Variants in PASD1 observed in about 807,000 individuals in gnomAD.
The protein encoded by PASD1 is PAS domain containing repressor 1.
In PASD1, 13 loss-of-function variants were observed where a neutral mutation model predicts 58.8. That is an observed-to-expected ratio of 0.22 (90% CI 0.14 to 0.35). The LOEUF (loss-of-function observed/expected upper bound fraction) is 0.35. Ranked by LOEUF, PASD1 falls within the 10% of genes least tolerant of loss-of-function variation. The pLI is 1.00. For synonymous variants in PASD1, 236 were observed against 216.7 expected (o/e 1.09, Z -0.78); for missense variants, 734 against 568.3 (o/e 1.29, Z -2.96).
intron 8 of PASD1, chrX:151,645,915 T>TTTTGTTTTG (rs2014055509): frequency 9.0e-6 from 1 of 110,827 alleles, no homozygotes; most frequent in Non-Finnish European, 1.9e-5. Flanking sequence ...TTTTGTTTTG[T>TTTTGTTTTG]TTTGTTTTGT....
chrX:151,604,583 A>G (rs1209340564), intron 2 of PASD1, 63 bp from the exon 3 acceptor site: 1 of 803,691 alleles, frequency 1.2e-6, no homozygotes. Context: ...TGAAAAATCT[A>G]ATACCCATAG....
chrX:151,593,264 A>G (rs756139006), intron 1 of PASD1, among the ~76,000 whole-genome samples: 1 of 109,990 alleles, frequency 9.1e-6, no homozygotes, highest in South Asian at 3.9e-4. Flanking sequence ...TTATTATTAT[A>G]CTCTAAGTTC....
chrX:151,574,848 G>A (rs1005351272), intron 1 of PASD1, among the ~76,000 whole-genome samples: 1 of 111,604 alleles, frequency 9.0e-6, no homozygotes, highest in Non-Finnish European at 1.9e-5. Flanking sequence ...ACGAGGTCTC[G>A]TTGTGTTGCC....
In PASD1 at chrX:151,633,214, C is replaced by T. The variant is rs187148118; in HGVS notation, c.629+7684C>T. 3.0e-3 allele frequency among the ~76,000 whole-genome samples: 334 copies of T among 111,464 alleles called. 3 individuals are homozygous for T. Among genetic ancestry groups the T allele is most frequent in the Non-Finnish European group, 5.4e-3 (285 of 53,049 alleles). ...AACCGAGTCATTCCATGAAGAGCAT[C>T]CATGTCTCCTTGCAGGGTGAAGTGG... On this transcript the variant is annotated intron_variant, in intron 8 of 15. Transcript: ENST00000370357.
chrX:151,667,700 G>A (rs1168951543), intron 11 of PASD1, among the ~76,000 whole-genome samples: 1 of 111,433 alleles, frequency 9.0e-6, no homozygotes, highest in Non-Finnish European at 1.9e-5. Flanking sequence ...TAGATATGTG[G>A]CATTATTTCT....
chrX:151,581,227 CAAAAAAAAAAA>C (rs55664238), intron 1 of PASD1, among the ~76,000 whole-genome samples: 1 of 31,505 alleles, frequency 3.2e-5, no homozygotes, highest in Non-Finnish European at 5.5e-5. Flanking sequence ...AGCTCTGTAT[CAAAAAAAAAAA>C]AAAAAAAAAA....
At chrX:151,588,976 A>G (rs978408364) in intron 1 of PASD1, among the ~76,000 whole-genome samples, 3 of 110,839 alleles carry the variant, frequency 2.7e-5, no homozygotes, top group East Asian at 2.8e-4. Flanking sequence ...CTTTCCCCAC[A>G]TCCCTGCCCC....
At chrX:151,589,944 C>A (rs2013222636) in intron 1 of PASD1, among the ~76,000 whole-genome samples, 1 of 112,393 alleles carries the variant, frequency 8.9e-6, no homozygotes, top group Non-Finnish European at 1.9e-5. Context: ...ATAGCACATA[C>A]AATCCTGTAA....
rs149431814 is a variant in PASD1, at chrX:151,670,024, G to A, written c.1072-1014G>A. 1.5e-3 allele frequency among the ~76,000 whole-genome samples: 172 copies of A among 111,889 alleles called. 1 individual carries two copies. Among genetic ancestry groups the A allele is most frequent in the African/African-American group, 5.2e-3 (160 of 30,834 alleles). Reference sequence around the variant, plus strand: ...ACATTCTTACCAACAGTGTATGAGCGTTCTTCTTTTTCCACATCCTCACCA... The same window carrying A: ...ACATTCTTACCAACAGTGTATGAGCATTCTTCTTTTTCCACATCCTCACCA... On this transcript the variant is annotated intron_variant, in intron 11 of 15. Transcript: ENST00000370357.
In PASD1 at chrX:151,631,598, A is replaced by G. The variant is rs914602200; in HGVS notation, c.629+6068A>G. 4.5e-5 allele frequency among the ~76,000 whole-genome samples: 5 copies of G among 111,884 alleles called. No homozygotes were observed. In the Admixed American group the frequency reaches 4.7e-4, roughly 11 times the overall value. On this transcript the variant is annotated intron_variant, in intron 8 of 15. Coordinates refer to ENST00000370357, the MANE Select transcript of PASD1 (RefSeq NM_173493.3). ...TGATGAGTATTTCCCAGGTTCTAGT[A>G]GCTGTTACCTGTGCTTGCAAAGTCC...
chrX:151,639,036 G>T (rs1240858644), intron 8 of PASD1, among the ~76,000 whole-genome samples: 1 of 111,961 alleles, frequency 8.9e-6, no homozygotes, highest in Non-Finnish European at 1.9e-5. Flanking sequence ...AAAGCATACT[G>T]CTTTCATGCC....
chrX:151,674,515 A>G (rs183428872), intron 15 of PASD1, among the ~76,000 whole-genome samples: 2 of 112,694 alleles, frequency 1.8e-5, no homozygotes, highest in Admixed American at 1.9e-4. Context: ...CTCCTTTCAG[A>G]CTTATGGATC....
At chrX:151,623,488 A>G (rs1354330272) in intron 7 of PASD1, among the ~76,000 whole-genome samples, 1 of 111,737 alleles carries the variant, frequency 8.9e-6, no homozygotes, top group Admixed American at 9.6e-5. Context: ...CTAATATAGC[A>G]TTCACAAATT....
At chrX:151,657,944 C>T (rs1250227429) in intron 9 of PASD1, among the ~76,000 whole-genome samples, 2 of 110,388 alleles carry the variant, frequency 1.8e-5, no homozygotes, top group Admixed American at 1.9e-4. Context: ...CCACCACTTC[C>T]AAAAAAGTAA....
intron 1 of PASD1, among the ~76,000 whole-genome samples, chrX:151,564,220 C>T (rs185386165): frequency 0.014 from 1,566 of 112,731 alleles, 9 homozygotes; most frequent in Non-Finnish European, 0.02. Context: ...GCGGGCGGTT[C>T]GGGTGAGAAC....
At chrX:151,673,571 G>A in intron 14 of PASD1, 1 of 255,105 alleles carries the variant, frequency 3.9e-6, no homozygotes, top group Non-Finnish European at 7.0e-6. Context: ...TGGATTTGGA[G>A]TTTGGAAATC....
chrX:151,653,692 C>CTCCT (rs1377079881), intron 9 of PASD1, among the ~76,000 whole-genome samples: 2 of 99,763 alleles, frequency 2.0e-5, no homozygotes, highest in Non-Finnish European at 4.1e-5. Context: ...TCCTTCCTTC[C>CTCCT]CTCCTCCTCC....
chrX:151,673,565 T>G, intron 14 of PASD1: 1 of 246,209 alleles, frequency 4.1e-6, no homozygotes, highest in East Asian at 8.3e-5. Context: ...GAGCACTGGA[T>G]TTGGAGTTTG....
chrX:151,603,057 A>C (rs1427620641), intron 2 of PASD1, among the ~76,000 whole-genome samples: 1 of 112,277 alleles, frequency 8.9e-6, no homozygotes, highest in Non-Finnish European at 1.9e-5. Context: ...CGATCTTACG[A>C]ATTATTGTAC....
Sources: allele counts gnomAD v4.1 joint callset (sites outside exome capture counted in the v4.1 genomes callset), GRCh38; gene constraint gnomAD v4.1.1; transcripts MANE v1.5; gene names NCBI Gene and HGNC (gene_info 2026-07-23, HGNC 2026-07-21).